ZFHX3: variants seen among roughly 807,000 people sequenced by gnomAD.
ZFHX3 encodes the protein zinc finger homeobox protein 3.
ZFHX3 carries 42 observed loss-of-function variants against 279.1 expected under a neutral mutation model. The observed-to-expected ratio is 0.15, with a 90% CI of 0.12 to 0.19. The LOEUF (loss-of-function observed/expected upper bound fraction) is 0.19. ZFHX3 is among the 10% of genes least tolerant of loss of function. The probability of loss-of-function intolerance (pLI) is 1.00; values close to 1 mark genes in which losing one functional copy is unlikely to be tolerated. For synonymous variants in ZFHX3, 2,293 were observed against 1,957.8 expected (o/e 1.17, Z -4.52); for missense variants, 4,981 against 4,754.0 (o/e 1.05, Z -1.40).
intron 5 of ZFHX3, among the ~76,000 whole-genome samples, chr16:73,188,557 GA>G (rs765204682): frequency 2.0e-5 from 3 of 152,234 alleles, no homozygotes; most frequent in Non-Finnish European, 4.4e-5. Flanking sequence ...GACAAAGAGA[GA>G]AATAGTTTTT....
At chr16:73,358,618 T>C (rs1352378936) in intron 3 of ZFHX3, among the ~76,000 whole-genome samples, 1 of 152,236 alleles carries the variant, frequency 6.6e-6, no homozygotes, top group Admixed American at 6.5e-5. Flanking sequence ...CACTAGGTCT[T>C]AGGGTAACTT....
intron 2 of ZFHX3, among the ~76,000 whole-genome samples, chr16:73,465,614 G>T (rs147628846): frequency 6.6e-6 from 1 of 152,146 alleles, no homozygotes; most frequent in African/African-American, 2.4e-5. Context: ...CTGCTGCCCT[G>T]CCTAGTCCTG....
In ZFHX3 at chr16:72,788,061, G is replaced by A. The variant is rs190630380; in HGVS notation, c.10215C>T (p.Pro3405=). Reference sequence around the variant, plus strand: ...GGTCTTTGTCTGGGGAAGGAGCCCCGGGGGGGACTGGGGTTTGGCTTGCTT... The same window carrying A: ...GGTCTTTGTCTGGGGAAGGAGCCCCAGGGGGGACTGGGGTTTGGCTTGCTT... ...QPKASQTPVP[P]GAPSPDKDPA... The change falls in exon 10 of 10, where the codon CCC becomes CCT. Residue 3405 remains proline (P), a synonymous_variant. Coordinates refer to ENST00000268489, the MANE Select transcript of ZFHX3 (RefSeq NM_006885.4). 19 of 1,610,978 alleles carry A rather than the reference G, an allele frequency of 1.2e-5. No individual in the cohort carries two copies. In the East Asian group the frequency reaches 1.6e-4, roughly 13 times the overall value.
chr16:73,335,808 G>C (rs994669568), intron 3 of ZFHX3, among the ~76,000 whole-genome samples: 45 of 152,286 alleles, frequency 3.0e-4, no homozygotes, highest in African/African-American at 1.0e-3. Context: ...TGGTCTCCTG[G>C]AAGCAAAACT....
At chr16:73,375,797 A>G (rs2016713178) in intron 3 of ZFHX3, among the ~76,000 whole-genome samples, 1 of 152,204 alleles carries the variant, frequency 6.6e-6, no homozygotes, top group African/African-American at 2.4e-5. Context: ...CAGCGATATC[A>G]TTACTGAAAA....
At chr16:73,819,155 T>A (rs1235746180) in intron 1 of ZFHX3, among the ~76,000 whole-genome samples, 1 of 152,014 alleles carries the variant, frequency 6.6e-6, no homozygotes, top group Non-Finnish European at 1.5e-5. Flanking sequence ...TGAGATTCCC[T>A]TTTAATAGTG....
rs147366192 is a variant in ZFHX3, at chr16:73,879,442, C to G, written c.-1608+12209G>C. Among the ~76,000 whole-genome samples the G allele has an allele frequency of 4.7e-3, 709 of 152,058 alleles. 3 individuals are homozygous for G. Among genetic ancestry groups the G allele is most frequent in the Non-Finnish European group, 6.0e-3 (408 of 67,988 alleles). On this transcript the variant is annotated intron_variant, in intron 1 of 17. Coordinates refer to the ZFHX3 transcript ENST00000641206. Reference sequence around the variant, plus strand: ...TTGTAAGCCATTCCCACATTTCCACCGGCATGTCCTTTGCTCATTTGCACG... The same window carrying G: ...TTGTAAGCCATTCCCACATTTCCACGGGCATGTCCTTTGCTCATTTGCACG...
At chr16:73,072,085 C>G (rs1166659742) in intron 8 of ZFHX3, among the ~76,000 whole-genome samples, 5 of 152,202 alleles carry the variant, frequency 3.3e-5, no homozygotes, top group African/African-American at 1.2e-4. Context: ...CCCCAGCACT[C>G]AGAAAGGTGG....
intron 2 of ZFHX3, among the ~76,000 whole-genome samples, chr16:73,665,147 A>G (rs571710114): frequency 4.7e-4 from 71 of 152,166 alleles, no homozygotes; most frequent in African/African-American, 1.7e-3. Flanking sequence ...GACAAATGCA[A>G]TGAAAGTGGT....
At chr16:73,424,753 CAAAAAAAAAAAAAA>C (rs71156163) in intron 3 of ZFHX3, among the ~76,000 whole-genome samples, 1 of 95,820 alleles carries the variant, frequency 1.0e-5, no homozygotes, top group Non-Finnish European at 1.9e-5. Context: ...TACCCTGTGT[CAAAAAAAAAAAAAA>C]AAAAAAAAAA....
chr16:73,071,676 G>A (rs1420806032), intron 8 of ZFHX3, among the ~76,000 whole-genome samples: 1 of 152,250 alleles, frequency 6.6e-6, no homozygotes, highest in African/African-American at 2.4e-5. Flanking sequence ...AGGGCTCTGG[G>A]GTTTGGCTGC....
chr16:73,206,589 T>C (rs2011811750), intron 5 of ZFHX3, among the ~76,000 whole-genome samples: 1 of 152,218 alleles, frequency 6.6e-6, no homozygotes, highest in African/African-American at 2.4e-5. Flanking sequence ...TCTGTAGTCT[T>C]CTCCTTTATC....
rs746022690 is a variant in ZFHX3, at chr16:72,958,153, G to C, written c.1993C>G (p.Arg665Gly). ...CACTTGAGTGTCTTACACGAGTTAC[G>C]AGAATGCATCATGGTCATGTGGCCG... is the stretch of plus-strand genomic sequence containing the variant. The part of the protein sequence containing the change: ...LGGHMTMMHS[R>G]NSCKTLKCPK... Residue 665 changes from arginine (R) to glycine (G), a missense_variant, in exon 2 of 10, where the codon CGT (arginine) becomes GGT (glycine). Coordinates refer to ENST00000268489, the MANE Select transcript of ZFHX3 (RefSeq NM_006885.4). 6.2e-7 allele frequency: 1 copy of C among 1,614,116 alleles called. No homozygotes were observed. The highest frequency in any genetic ancestry group is 8.5e-7 in the Non-Finnish European group (1 of 1,179,980).
At chr16:72,901,035 C>T (rs569756280) in intron 3 of ZFHX3, among the ~76,000 whole-genome samples, 18 of 152,310 alleles carry the variant, frequency 1.2e-4, no homozygotes, top group South Asian at 2.1e-4. Flanking sequence ...AAAAGTCACA[C>T]GGAAGCAGCT....
intron 4 of ZFHX3, among the ~76,000 whole-genome samples, chr16:73,305,236 C>T (rs1156382167): frequency 6.6e-6 from 1 of 152,028 alleles, no homozygotes; most frequent in Non-Finnish European, 1.5e-5. Context: ...AGGACGGAAG[C>T]AATTCACCAG....
At chr16:73,578,289 T>C (rs1482297944) in intron 2 of ZFHX3, among the ~76,000 whole-genome samples, 1 of 151,944 alleles carries the variant, frequency 6.6e-6, no homozygotes, top group Non-Finnish European at 1.5e-5. Flanking sequence ...AAAAGACTTA[T>C]GGAATCATAG....
intron 1 of ZFHX3, among the ~76,000 whole-genome samples, chr16:72,980,282 T>C (rs1962531831): frequency 6.6e-6 from 1 of 152,170 alleles, no homozygotes; most frequent in Non-Finnish European, 1.5e-5. Flanking sequence ...GGGTAGGGGC[T>C]CACATGGACG....
chr16:72,874,109 G>A (rs2038237014), intron 4 of ZFHX3, among the ~76,000 whole-genome samples: 2 of 151,696 alleles, frequency 1.3e-5, no homozygotes, highest in African/African-American at 4.9e-5. Flanking sequence ...GGCTTTGGAG[G>A]AAACTTTTAA....
chr16:73,426,096 T>G (rs540135059), intron 3 of ZFHX3, among the ~76,000 whole-genome samples: 1 of 152,098 alleles, frequency 6.6e-6, no homozygotes, highest in Admixed American at 6.5e-5. Flanking sequence ...AACTGGTGAG[T>G]CCCAGCTGGT....
Sources: gnomAD v4.1 joint callset for allele counts (sites outside exome capture counted in the v4.1 genomes callset) on GRCh38, gnomAD v4.1.1 for gene constraint, MANE v1.5 for transcripts, NCBI Gene and HGNC (gene_info 2026-07-23, HGNC 2026-07-21) for gene names.